The following CAMKK2 variants were observed in gnomAD, a reference collection of about 807,000 sequenced individuals.
CAMKK2 encodes calcium/calmodulin dependent protein kinase kinase 2.
Under a neutral mutation model 67.2 loss-of-function variants are expected in CAMKK2, and 30 were observed. The observed-to-expected ratio is 0.45, with a 90% confidence interval of 0.33 to 0.61. The LOEUF is 0.61. Ranked by LOEUF, CAMKK2 falls within the 20% of genes least tolerant of loss-of-function variation. CAMKK2 has a pLI of 0.02. For synonymous variants in CAMKK2, 322 were observed against 326.2 expected, an observed-to-expected ratio of 0.99 and a Z score of 0.14; for missense variants, 643 against 802.0, an observed-to-expected ratio of 0.80 and a Z score of 2.39.
rs969307953 is a variant in CAMKK2, at chr12:121,245,399, A to G, written c.1453-159T>C. Among the ~76,000 whole-genome samples the G allele has an allele frequency of 2.6e-5, 4 of 152,030 alleles. No individual in the cohort carries two copies. The highest frequency in any genetic ancestry group is 4.4e-5 in the Non-Finnish European group (3 of 67,996). The stretch of plus-strand genomic sequence containing the variant: ...GAGAAACTGGGCAGCACCACCCCGC[A>G]ACCAACCCCCGCCGAAAGAATCCTC... On this transcript the variant is annotated intron_variant, in intron 14 of 16. Transcript: ENST00000404169. This position sits in a 1 kb window ranked among gnomAD's most constrained non-coding sequence, Gnocchi z 5.8.
At chr12:121,268,578 G>A in intron 5 of CAMKK2, 60 bp downstream of exon 5, 1 of 1,488,654 alleles carries the variant, frequency 6.7e-7, no homozygotes, top group Non-Finnish European at 9.4e-7. Context: ...CCCATTCAGG[G>A]GGCTCTGCCC....
intron 1 of CAMKK2, among the ~76,000 whole-genome samples, chr12:121,294,304 C>A (rs11065522): frequency 6.6e-5 from 10 of 152,082 alleles, no homozygotes; most frequent in Non-Finnish European, 1.5e-4. Context: ...CCCTGACTCC[C>A]GCCCACTAAA....
At chr12:121,283,662 T>G (rs1313106803) in intron 1 of CAMKK2, among the ~76,000 whole-genome samples, 1 of 152,000 alleles carries the variant, frequency 6.6e-6, no homozygotes. Flanking sequence ...AAAAAATTTT[T>G]TAAATTAGTT....
At position 121,285,469 on chromosome 12, in the gene CAMKK2, C is replaced by T. The variant is rs1302013182; in HGVS notation, c.-59-10884G>A. 6.6e-6 allele frequency among the ~76,000 whole-genome samples: 1 copy of T among 152,090 alleles called. No homozygotes were observed. The highest frequency in any genetic ancestry group is 2.4e-5 in the African/African-American group (1 of 41,414). On this transcript the variant is annotated intron_variant, in intron 1 of 16. Transcript: ENST00000404169. This position sits in a 1 kb window ranked among gnomAD's most constrained non-coding sequence, Gnocchi z 4.1. ...AGTGAGCCAAGATTGCACCACTGCACTCCAGCCTGGGCAACAGAGCAGGAC... is the reference window on the plus strand; with the variant it reads ...AGTGAGCCAAGATTGCACCACTGCATTCCAGCCTGGGCAACAGAGCAGGAC...
chr12:121,277,727 G>A lies in CAMKK2; in HGVS notation c.-59-3142C>T, dbSNP rs138538554. Among the ~76,000 whole-genome samples, 1,366 of 152,294 alleles carry A rather than the reference G, an allele frequency of 9.0e-3. 20 individuals are homozygous for A. Among genetic ancestry groups the A allele is most frequent in the African/African-American group, 0.031 (1,297 of 41,558 alleles). ...CGCACCTGTAATCCCAACACCTTGGGAGGCCAAGGCAGGCAGATCACTTGA... is the reference window on the plus strand; with the variant it reads ...CGCACCTGTAATCCCAACACCTTGGAAGGCCAAGGCAGGCAGATCACTTGA... On this transcript the variant is annotated intron_variant, in intron 1 of 16. Transcript: ENST00000404169.
At chr12:121,277,494 C>T (rs1437869570) in intron 1 of CAMKK2, among the ~76,000 whole-genome samples, 1 of 152,066 alleles carries the variant, frequency 6.6e-6, no homozygotes, top group Non-Finnish European at 1.5e-5. Context: ...CATCAACAGA[C>T]GAATGAATAA....
rs756346032 is a variant in CAMKK2 at position 121,269,499 on chromosome 12, G to T, written c.573+29C>A. 1.8e-5 allele frequency: 28 copies of T among 1,562,342 alleles called. No homozygotes were observed. The South Asian group carries it at 2.6e-4, about 15-fold the overall frequency. On this transcript the variant is annotated intron_variant, in intron 4 of 16. Transcript: ENST00000404169. The stretch of plus-strand genomic sequence containing the variant: ...GGAGGCTCTTCTGTGGATAAGGATG[G>T]GGGCAGGGAGGAGAATGCGGATACT...
intron 1 of CAMKK2, among the ~76,000 whole-genome samples, chr12:121,277,426 G>A (rs979581072): frequency 6.6e-6 from 1 of 152,182 alleles, no homozygotes; most frequent in African/African-American, 2.4e-5. Context: ...ACGGATACTT[G>A]TACACTAATG....
At chr12:121,260,398 G>A in intron 6 of CAMKK2, 43 bp from the exon 7 acceptor site, 1 of 1,590,704 alleles carries the variant, frequency 6.3e-7, no homozygotes, top group Non-Finnish European at 8.6e-7. Flanking sequence ...GGATGGCGGG[G>A]GAGAAAAAGA....
chr12:121,260,593 C>G (rs1893250700), intron 6 of CAMKK2: 1 of 548,652 alleles, frequency 1.8e-6, no homozygotes, highest in Non-Finnish European at 3.2e-6. Context: ...TCTGAACACT[C>G]AGGAGGTCGC....
intron 1 of CAMKK2, among the ~76,000 whole-genome samples, chr12:121,291,276 A>G (rs1046983571): frequency 6.6e-6 from 1 of 152,214 alleles, no homozygotes; most frequent in African/African-American, 2.4e-5. Flanking sequence ...GTGACAAAAA[A>G]ATGTCTTATG....
At chr12:121,289,893 T>TA (rs34281997) in intron 1 of CAMKK2, among the ~76,000 whole-genome samples, 8,261 of 117,598 alleles carry the variant, frequency 0.07, 397 homozygotes, top group South Asian at 0.16. Flanking sequence ...ACCCTGTCTT[T>TA]AAAAAAAAAA....
chr12:121,283,099 G>A (rs149928536), intron 1 of CAMKK2, among the ~76,000 whole-genome samples: 19 of 152,258 alleles, frequency 1.2e-4, no homozygotes, highest in South Asian at 8.3e-4. Context: ...ACTTGGTCAC[G>A]GCTTCTCTAG....
chr12:121,273,929 TCAA>T (rs1896265574), intron 2 of CAMKK2, 124 bp downstream of exon 2: 1 of 720,522 alleles, frequency 1.4e-6, no homozygotes, highest in Non-Finnish European at 2.1e-6. Flanking sequence ...TTCCCTGGAG[TCAA>T]CTCCTAGGTC....
At chr12:121,261,792 C>G (rs1893513107) in intron 6 of CAMKK2, among the ~76,000 whole-genome samples, 2 of 152,260 alleles carry the variant, frequency 1.3e-5, no homozygotes, top group Admixed American at 6.5e-5. Flanking sequence ...CATCCAGGAA[C>G]CACCACGGCC....
At chr12:121,241,148 C>A (rs1325631238) in intron 16 of CAMKK2, among the ~76,000 whole-genome samples, 1 of 152,150 alleles carries the variant, frequency 6.6e-6, no homozygotes, top group Non-Finnish European at 1.5e-5. Context: ...CTATGTAACA[C>A]CAAAATTCAC....
At chr12:121,276,554 T>C (rs1464440616) in intron 1 of CAMKK2, among the ~76,000 whole-genome samples, 1 of 152,166 alleles carries the variant, frequency 6.6e-6, no homozygotes, top group Non-Finnish European at 1.5e-5. Flanking sequence ...AACCTTTGCT[T>C]AACGTGTTTG....
intron 6 of CAMKK2, among the ~76,000 whole-genome samples, chr12:121,262,240 C>T (rs1384382422): frequency 6.6e-6 from 1 of 152,180 alleles, no homozygotes; most frequent in Middle Eastern, 3.2e-3. Context: ...CGGCCGGGTG[C>T]AGTGGCTCAC....
Position 121,240,505 on chromosome 12 carries a change from G to A in CAMKK2, c.*194C>T. 2.6e-6 allele frequency: 4 copies of A among 1,534,714 alleles called. No individual in the cohort carries two copies. The highest frequency in any genetic ancestry group is 3.5e-6 in the Non-Finnish European group (4 of 1,146,722). ...GTCCAGCCAGCCAGCGGCCACGGTCGACGTCATGGAGTCAAGTCCTTTTTT... is the reference window on the plus strand; with the variant it reads ...GTCCAGCCAGCCAGCGGCCACGGTCAACGTCATGGAGTCAAGTCCTTTTTT... On this transcript the variant is annotated 3_prime_UTR_variant, in exon 17 of 17. Coordinates refer to ENST00000404169, the MANE Select transcript of CAMKK2 (RefSeq NM_001270485.2). The surrounding 1 kb of genome is among the most constrained non-coding windows in gnomAD (Gnocchi z 4.4).
Sources: gnomAD v4.1 joint callset for allele counts (sites outside exome capture counted in the v4.1 genomes callset) on GRCh38, gnomAD v4.1.1 for gene constraint, Gnocchi (gnomAD v3.1) non-coding constraint, MANE v1.5 for transcripts, NCBI Gene and HGNC (gene_info 2026-07-23, HGNC 2026-07-21) for gene names.